Variants in EPS15 observed in about 807,000 individuals in gnomAD.
EPS15 encodes the protein epidermal growth factor receptor pathway substrate 15.
A neutral mutation model predicts 113.8 loss-of-function variants in EPS15; 72 were observed. The ratio of observed to expected loss-of-function variants is 0.63; its 90% CI spans 0.52 to 0.77. The LOEUF (loss-of-function observed/expected upper bound fraction) is 0.77, where lower values mean the gene tolerates loss of function less well. EPS15 is among the 30% of genes least tolerant of loss of function. EPS15 has a pLI of 0.00. For synonymous variants in EPS15, 344 were observed against 363.4 expected (o/e 0.95, Z 0.61); for missense variants, 1,048 against 1,045.8 (o/e 1.00, Z -0.03).
In EPS15 at chr1:51,471,733, C is replaced by G; in HGVS notation, c.170G>C (p.Trp57Ser). 1 of 1,606,524 alleles carries G rather than the reference C, an allele frequency of 6.2e-7. No individual in the cohort carries two copies. The highest frequency in any genetic ancestry group is 8.5e-7 in the Non-Finnish European group (1 of 1,174,256). Reference protein sequence around the residue: ...GLPDLILGKIWDLADTDGKGI... With the variant: ...GLPDLILGKISDLADTDGKGI... ...TTTGCCATCTGTGTCGGCTAAATCC[C>G]AAATCTGAAATTTAGGGGGAAAAAA... is the stretch of plus-strand genomic sequence containing the variant. Residue 57 changes from tryptophan to serine, a missense_variant, in exon 4 of 25, where the codon TGG becomes TCG. By Grantham distance (177) the Trp-to-Ser change is radical. Coordinates refer to ENST00000371733, the MANE Select transcript of EPS15 (RefSeq NM_001981.3).
At chr1:51,358,484 T>C (rs1157787947) in intron 24 of EPS15, among the ~76,000 whole-genome samples, 1 of 152,192 alleles carries the variant, frequency 6.6e-6, no homozygotes. Context: ...AAATCCTTCA[T>C]GAAAGGATGA....
chr1:51,354,838 A>T lies in EPS15; in HGVS notation c.*1862T>A. ...TTTATTACATTGAAAGTTGGTGTTT[A>T]TAAGTTATAGATATTTAATATTTGA... is the stretch of plus-strand genomic sequence containing the variant. On this transcript the variant is annotated 3_prime_UTR_variant, in exon 25 of 25. Coordinates refer to ENST00000371733, the MANE Select transcript of EPS15 (RefSeq NM_001981.3). The T allele has an allele frequency of 5.0e-6, 1 of 200,768 alleles. No homozygotes were observed. The highest frequency in any genetic ancestry group is 6.0e-5 in the Admixed American group (1 of 16,652). 12.4% of individuals were successfully genotyped at this position (200,768 alleles called of 1,614,324 possible). A position where few individuals can be genotyped will look rare whatever the true frequency, so the allele number is the denominator to read the frequency against.
At chr1:51,516,607 G>C (rs1396365507) in intron 1 of EPS15, among the ~76,000 whole-genome samples, 5 of 151,960 alleles carry the variant, frequency 3.3e-5, no homozygotes, top group Non-Finnish European at 7.4e-5. Context: ...AAGGAAGGAA[G>C]GCATAAGCTA....
chr1:51,463,843 G>A, intron 6 of EPS15, 45 bp from the exon 7 acceptor site: 3 of 1,242,460 alleles, frequency 2.4e-6, no homozygotes, highest in South Asian at 2.8e-5. Flanking sequence ...AAGAGAAAAG[G>A]ATTTAACTGC....
At chr1:51,392,251 G>T (rs1647455811) in intron 21 of EPS15, among the ~76,000 whole-genome samples, 1 of 152,156 alleles carries the variant, frequency 6.6e-6, no homozygotes, top group Non-Finnish European at 1.5e-5. Context: ...TCCATGCCTG[G>T]ATTTTCCTTG....
At chr1:51,435,445 C>T (rs1015352247) in intron 12 of EPS15, among the ~76,000 whole-genome samples, 1 of 152,160 alleles carries the variant, frequency 6.6e-6, no homozygotes, top group African/African-American at 2.4e-5. Flanking sequence ...CCACACGCTG[C>T]AGCCTCCCAA....
At chr1:51,427,932 G>A (rs1396814736) in intron 12 of EPS15, among the ~76,000 whole-genome samples, 1 of 152,104 alleles carries the variant, frequency 6.6e-6, no homozygotes, top group East Asian at 1.9e-4. Flanking sequence ...CTCACACTGA[G>A]ACACATTATA....
intron 13 of EPS15, among the ~76,000 whole-genome samples, chr1:51,413,765 T>C (rs1001523482): frequency 6.6e-6 from 1 of 152,194 alleles, no homozygotes; most frequent in African/African-American, 2.4e-5. Flanking sequence ...CTTTATTTTT[T>C]TAAGACAGGA....
chr1:51,517,226 C>T, intron 1 of EPS15, among the ~76,000 whole-genome samples: 1 of 152,102 alleles, frequency 6.6e-6, no homozygotes, highest in East Asian at 1.9e-4. Flanking sequence ...TCTGAATTTA[C>T]TTATTTGAAT....
At chr1:51,374,104 A>T (rs923754518) in intron 21 of EPS15, among the ~76,000 whole-genome samples, 2 of 152,098 alleles carry the variant, frequency 1.3e-5, no homozygotes, top group African/African-American at 4.8e-5. Context: ...AAAAAGGAAA[A>T]CCTACTGGGT....
chr1:51,438,299 G>A (rs780020392), intron 12 of EPS15, among the ~76,000 whole-genome samples: 13 of 152,104 alleles, frequency 8.5e-5, no homozygotes, highest in Non-Finnish European at 4.4e-5. Flanking sequence ...TAATAAGATA[G>A]TCACAAAATA....
chr1:51,468,309 A>G (rs1160243185), intron 5 of EPS15, among the ~76,000 whole-genome samples, 164 bp downstream of exon 5: 1 of 152,176 alleles, frequency 6.6e-6, no homozygotes, highest in African/African-American at 2.4e-5. Context: ...GATACACAAG[A>G]AATTAACTAA....
chr1:51,451,505 A>AAAG (rs1653561138), intron 8 of EPS15, among the ~76,000 whole-genome samples: 1 of 147,560 alleles, frequency 6.8e-6, no homozygotes, highest in African/African-American at 2.5e-5. Flanking sequence ...AAAAAAAAAA[A>AAAG]AAAGAAAGAA....
chr1:51,386,046 A>G (rs1031528405), intron 21 of EPS15, among the ~76,000 whole-genome samples: 4 of 152,332 alleles, frequency 2.6e-5, no homozygotes, highest in South Asian at 2.1e-4. Flanking sequence ...TATGTTATGT[A>G]TATTTTACCA....
intron 6 of EPS15, among the ~76,000 whole-genome samples, chr1:51,464,430 C>T (rs565837099): frequency 6.4e-4 from 97 of 151,942 alleles, no homozygotes; most frequent in African/African-American, 2.1e-3. Context: ...TTAGTAGACA[C>T]GGGGTTTCAC....
intron 22 of EPS15, among the ~76,000 whole-genome samples, chr1:51,364,651 C>T (rs116344144): frequency 2.6e-5 from 4 of 151,682 alleles, no homozygotes; most frequent in East Asian, 1.9e-4. Context: ...TGTACCACCA[C>T]GCCTAGTTAT....
At chr1:51,489,301 ATATATGTATGTATG>A (rs1475927136) in intron 1 of EPS15, among the ~76,000 whole-genome samples, 16 of 141,034 alleles carry the variant, frequency 1.1e-4, no homozygotes, top group African/African-American at 1.6e-4. Context: ...ATATATATAT[ATATATGTATGTATG>A]TATGTATGTA....
At chr1:51,357,462 A>ATC (rs1190039359) in intron 24 of EPS15, among the ~76,000 whole-genome samples, 5 of 124,216 alleles carry the variant, frequency 4.0e-5, no homozygotes, top group African/African-American at 1.0e-4. Flanking sequence ...ATATATATAT[A>ATC]TCTCACTAAA....
chr1:51,400,806 G>T (rs781128240), intron 19 of EPS15, 112 bp downstream of exon 19: 3 of 496,158 alleles, frequency 6.0e-6, no homozygotes, highest in East Asian at 3.3e-5. Context: ...TTCTGAAAAT[G>T]CCAGGCACAT....
Sources: allele counts gnomAD v4.1 joint callset (sites outside exome capture counted in the v4.1 genomes callset), GRCh38; gene constraint gnomAD v4.1.1; transcripts MANE v1.5; gene names NCBI Gene and HGNC (gene_info 2026-07-23, HGNC 2026-07-21).